PARN: variants seen among roughly 807,000 people sequenced by gnomAD.
PARN encodes poly(A)-specific ribonuclease PARN.
Under a neutral mutation model 102.8 loss-of-function variants are expected in PARN, and 71 were observed. That is an observed-to-expected ratio of 0.69 (90% CI 0.57 to 0.84). The LOEUF (loss-of-function observed/expected upper bound fraction) is 0.84, where lower values mean the gene tolerates loss of function less well. PARN is among the 40% of genes least tolerant of loss of function. PARN has a pLI of 0.00. For synonymous variants in PARN, 261 were observed against 252.9 expected (o/e 1.03, Z -0.30); for missense variants, 782 against 760.9 (o/e 1.03, Z -0.33).
At chr16:14,448,900 G>A (rs967266855) in intron 22 of PARN, among the ~76,000 whole-genome samples, 5 of 152,186 alleles carry the variant, frequency 3.3e-5, no homozygotes, top group Non-Finnish European at 7.3e-5. Context: ...GATATTAATG[G>A]TAATGTTTCG....
At chr16:14,551,969 G>T (rs1967332392) in intron 21 of PARN, 52 bp downstream of exon 21, 2 of 1,221,156 alleles carry the variant, frequency 1.6e-6, no homozygotes, top group Non-Finnish European at 2.4e-6. Context: ...GGCAGTGGGA[G>T]GGCAACCTCT....
intron 22 of PARN, among the ~76,000 whole-genome samples, chr16:14,451,274 C>T (rs1433114552): frequency 6.6e-6 from 1 of 152,226 alleles, no homozygotes; most frequent in African/African-American, 2.4e-5. Flanking sequence ...GGGAATGTTC[C>T]CAATCCCTGT....
intron 6 of PARN, among the ~76,000 whole-genome samples, chr16:14,615,000 C>T (rs1211130742): frequency 2.6e-5 from 4 of 151,632 alleles, no homozygotes; most frequent in Admixed American, 2.0e-4. Flanking sequence ...GAGAAGGCTA[C>T]AGGGGGAAAC....
chr16:14,449,726 C>T (rs926321627), intron 22 of PARN, among the ~76,000 whole-genome samples: 1 of 152,164 alleles, frequency 6.6e-6, no homozygotes, highest in Non-Finnish European at 1.5e-5. Context: ...ACTCCTTAAA[C>T]ACATGAAAAA....
At chr16:14,530,694 G>A (rs745861201) in intron 21 of PARN, among the ~76,000 whole-genome samples, 23 of 151,968 alleles carry the variant, frequency 1.5e-4, no homozygotes, top group Non-Finnish European at 2.8e-4. Context: ...GTAAACTTCC[G>A]CCTTCGTTCA....
intron 11 of PARN, 24 bp downstream of exon 11, chr16:14,604,122 C>A (rs778433729): frequency 1.6e-5 from 24 of 1,455,860 alleles, no homozygotes; most frequent in Non-Finnish European, 2.3e-5. Context: ...TCTCACCCCC[C>A]AAGAATTAAC....
intron 18 of PARN, among the ~76,000 whole-genome samples, chr16:14,557,515 A>G (rs1291451360): frequency 1.3e-5 from 2 of 150,072 alleles, no homozygotes; most frequent in African/African-American, 2.5e-5. Context: ...CGAGATAGCA[A>G]CACTGCACTC....
chr16:14,567,594 C>G (rs1210308758), intron 18 of PARN, among the ~76,000 whole-genome samples: 2 of 152,178 alleles, frequency 1.3e-5, no homozygotes, highest in South Asian at 2.1e-4. Context: ...TAAAGGATAA[C>G]TACTACCAAG....
intron 21 of PARN, among the ~76,000 whole-genome samples, chr16:14,506,575 T>G (rs1260271365): frequency 6.6e-6 from 1 of 152,238 alleles, no homozygotes; most frequent in African/African-American, 2.4e-5. Flanking sequence ...AACAAATACA[T>G]GTATACATGT....
intron 21 of PARN, chr16:14,501,556 A>G (rs1964622387): frequency 6.6e-6 from 1 of 151,198 alleles, no homozygotes; most frequent in Admixed American, 6.6e-5. Context: ...ATCTTACCCC[A>G]CCCTGATGTG....
intron 21 of PARN, among the ~76,000 whole-genome samples, chr16:14,534,620 T>C (rs888822105): frequency 1.3e-5 from 2 of 152,152 alleles, no homozygotes; most frequent in Non-Finnish European, 2.9e-5. Context: ...AAAAGACTGA[T>C]GGGAAAAATC....
At chr16:14,618,967 AG>A (rs1364179569) in intron 5 of PARN, among the ~76,000 whole-genome samples, 1 of 151,960 alleles carries the variant, frequency 6.6e-6, no homozygotes, top group Non-Finnish European at 1.5e-5. Flanking sequence ...AGGCCAAATG[AG>A]GAAGATCGCT....
chr16:14,576,873 T>A (rs150936905), intron 18 of PARN, among the ~76,000 whole-genome samples: 1 of 152,314 alleles, frequency 6.6e-6, no homozygotes, highest in African/African-American at 2.4e-5. Context: ...TCTAGACCAG[T>A]ATGGCTTAAA....
intron 22 of PARN, among the ~76,000 whole-genome samples, chr16:14,451,623 G>A (rs1048522092): frequency 1.3e-5 from 2 of 152,016 alleles, no homozygotes; most frequent in African/African-American, 4.8e-5. Context: ...GTGGGTATGG[G>A]AGGGTAGGTA....
chr16:14,528,781 C>T (rs1966153013), intron 21 of PARN, among the ~76,000 whole-genome samples: 2 of 152,070 alleles, frequency 1.3e-5, no homozygotes, highest in South Asian at 2.1e-4. Flanking sequence ...CAAACACCAC[C>T]GATTTTATTT....
intron 21 of PARN, among the ~76,000 whole-genome samples, chr16:14,506,018 C>G (rs1247337051): frequency 6.6e-6 from 1 of 152,118 alleles, no homozygotes; most frequent in African/African-American, 2.4e-5. Context: ...CACTATTTAC[C>G]TAAATGATGT....
chr16:14,521,662 G>A (rs530574044), intron 21 of PARN, among the ~76,000 whole-genome samples: 1 of 152,250 alleles, frequency 6.6e-6, no homozygotes, highest in Admixed American at 6.5e-5. Flanking sequence ...GCAGGGTGTA[G>A]TGGTACATGC....
At chr16:14,587,532 C>T (rs1046747445) in intron 13 of PARN, among the ~76,000 whole-genome samples, 6 of 152,158 alleles carry the variant, frequency 3.9e-5, no homozygotes, top group African/African-American at 1.4e-4. Flanking sequence ...CAGGGTCTCA[C>T]TATGTTGCCC....
At chr16:14,472,545 G>A (rs1357221103) in intron 22 of PARN, among the ~76,000 whole-genome samples, 2 of 152,168 alleles carry the variant, frequency 1.3e-5, no homozygotes, top group Admixed American at 1.3e-4. Flanking sequence ...AGCCAAAACT[G>A]GCAAAGAGGA....
Sources: gnomAD v4.1 joint callset for allele counts (sites outside exome capture counted in the v4.1 genomes callset) on GRCh38, gnomAD v4.1.1 for gene constraint, MANE v1.5 for transcripts, NCBI Gene and HGNC (gene_info 2026-07-23, HGNC 2026-07-21) for gene names.